Variants in FBN1 observed in about 807,000 individuals in gnomAD.
FBN1 encodes fibrillin 1.
FBN1 carries 29 observed loss-of-function variants against 365.1 expected under a neutral mutation model. The observed-to-expected ratio is 0.08, with a 90% CI of 0.06 to 0.11. FBN1 has a LOEUF of 0.11. Among genes scored for constraint, FBN1 ranks in the 10% least tolerant of loss-of-function variants. The pLI is 1.00. For synonymous variants in FBN1, 1,210 were observed against 1,270.5 expected, an observed-to-expected ratio of 0.95 and a Z score of 1.01; for missense variants, 2,476 against 3,703.2, an observed-to-expected ratio of 0.67 and a Z score of 8.60.
chr15:48,457,026 A>G (rs2043246172), intron 43 of FBN1, among the ~76,000 whole-genome samples: 1 of 152,174 alleles, frequency 6.6e-6, no homozygotes, highest in African/African-American at 2.4e-5. Flanking sequence ...GGTAGGAGAT[A>G]TCTTTGTATC....
chr15:48,534,045 T>C, intron 8 of FBN1, 35 bp downstream of exon 8: 2 of 1,611,832 alleles, frequency 1.2e-6, no homozygotes, highest in Non-Finnish European at 1.7e-6. Flanking sequence ...CTGCCCCCAC[T>C]ACACCCCCCA....
At chr15:48,622,564 T>C (rs532890914) in intron 2 of FBN1, among the ~76,000 whole-genome samples, 1 of 152,354 alleles carries the variant, frequency 6.6e-6, no homozygotes, top group South Asian at 2.1e-4. Flanking sequence ...CCTGGCTTCC[T>C]AGTTTCTCTC....
intron 24 of FBN1, among the ~76,000 whole-genome samples, chr15:48,491,064 A>C (rs1327409561): frequency 6.6e-6 from 1 of 152,220 alleles, no homozygotes; most frequent in African/African-American, 2.4e-5. Flanking sequence ...AAGATAAATT[A>C]TTTTTAAGTG....
chr15:48,556,331 A>T (rs1447630409), intron 6 of FBN1, among the ~76,000 whole-genome samples: 5 of 152,216 alleles, frequency 3.3e-5, no homozygotes, highest in Middle Eastern at 3.2e-3. Flanking sequence ...TTAAGAACCA[A>T]GCTTCAACCA....
At chr15:48,476,435 C>T (rs1432436215) in intron 32 of FBN1, among the ~76,000 whole-genome samples, 3 of 152,026 alleles carry the variant, frequency 2.0e-5, no homozygotes, top group Non-Finnish European at 4.4e-5. Context: ...GGAAAGAACT[C>T]GTAATTCCAT....
intron 64 of FBN1, 44 bp downstream of exon 64, chr15:48,415,492 G>A (rs758724650): frequency 6.4e-6 from 9 of 1,404,208 alleles, no homozygotes; most frequent in Middle Eastern, 1.8e-4. Flanking sequence ...ATTATATTAC[G>A]AATGAAAGAA....
chr15:48,619,189 G>A (rs745432360), intron 2 of FBN1, among the ~76,000 whole-genome samples: 3 of 152,056 alleles, frequency 2.0e-5, no homozygotes, highest in Non-Finnish European at 4.4e-5. Context: ...TTTCTGGATT[G>A]TCTGAGTTGA....
At chr15:48,493,277 C>T (rs556379681) in intron 23 of FBN1, among the ~76,000 whole-genome samples, 8 of 152,074 alleles carry the variant, frequency 5.3e-5, no homozygotes, top group African/African-American at 9.6e-5. Context: ...GTATTCACCA[C>T]CAAGTTAATC....
intron 2 of FBN1, among the ~76,000 whole-genome samples, chr15:48,635,991 T>C (rs966509813): frequency 1.3e-5 from 2 of 152,330 alleles, no homozygotes; most frequent in Admixed American, 1.3e-4. Context: ...ACTTAAAGTA[T>C]CTGATTAGCC....
intron 2 of FBN1, among the ~76,000 whole-genome samples, chr15:48,640,235 T>A (rs143295743): frequency 6.6e-6 from 1 of 152,130 alleles, no homozygotes; most frequent in Non-Finnish European, 1.5e-5. Flanking sequence ...ACAAAATGAG[T>A]CACATAAATA....
intron 8 of FBN1, among the ~76,000 whole-genome samples, chr15:48,527,853 T>C (rs1420995193): frequency 1.3e-5 from 2 of 152,246 alleles, no homozygotes; most frequent in African/African-American, 4.8e-5. Context: ...TATTCTATTC[T>C]GACAGATAGA....
At chr15:48,618,864 C>G (rs750848149) in intron 2 of FBN1, among the ~76,000 whole-genome samples, 1 of 152,168 alleles carries the variant, frequency 6.6e-6, no homozygotes, top group African/African-American at 2.4e-5. Flanking sequence ...AGGTTGCCCA[C>G]TCCTTATGAG....
chr15:48,613,234 T>C (rs763825133), intron 2 of FBN1, 142 bp from the exon 3 acceptor site: 102 of 694,594 alleles, frequency 1.5e-4, no homozygotes, highest in Non-Finnish European at 2.3e-4. Flanking sequence ...TGAGACTCAA[T>C]GCTGGGTTGG....
At chr15:48,520,941 C>T (rs994757854) in intron 9 of FBN1, 124 bp from the exon 10 acceptor site, 7 of 1,318,020 alleles carry the variant, frequency 5.3e-6, no homozygotes, top group South Asian at 2.5e-5. Context: ...CACACCTCTG[C>T]CCCCCGGAAG....
intron 6 of FBN1, among the ~76,000 whole-genome samples, chr15:48,587,079 C>G (rs560448652): frequency 6.6e-6 from 1 of 152,296 alleles, no homozygotes; most frequent in South Asian, 2.1e-4. Context: ...TCCATGGCAA[C>G]TTAATTTCAT....
intron 6 of FBN1, among the ~76,000 whole-genome samples, chr15:48,560,744 G>A (rs570506205): frequency 3.1e-4 from 47 of 152,170 alleles, no homozygotes; most frequent in Middle Eastern, 3.4e-3. Context: ...AAATGTTGAC[G>A]GAGCCCCAAA....
chr15:48,545,668 C>T (rs2044088474), intron 6 of FBN1, among the ~76,000 whole-genome samples: 1 of 152,136 alleles, frequency 6.6e-6, no homozygotes, highest in African/African-American at 2.4e-5. Context: ...TGCCACCAAA[C>T]TGTACACAAA....
intron 62 of FBN1, among the ~76,000 whole-genome samples, 164 bp downstream of exon 62, chr15:48,421,394 C>T (rs1473719544): frequency 6.6e-6 from 1 of 152,174 alleles, no homozygotes; most frequent in Admixed American, 6.5e-5. Context: ...TGAAACAAAA[C>T]ACGACTCTCT....
chr15:48,609,923 A>C (rs2140732701), intron 4 of FBN1, among the ~76,000 whole-genome samples: 1 of 152,366 alleles, frequency 6.6e-6, no homozygotes, highest in East Asian at 1.9e-4. Context: ...AGTAAACAAA[A>C]GAGAATGCAC....
Sources: gnomAD v4.1 joint callset for allele counts (sites outside exome capture counted in the v4.1 genomes callset) on GRCh38, gnomAD v4.1.1 for gene constraint, MANE v1.5 for transcripts, NCBI Gene and HGNC (gene_info 2026-07-23, HGNC 2026-07-21) for gene names.